MYO15B: variants seen among roughly 807,000 people sequenced by gnomAD.
MYO15B encodes the protein myosin XVB.
Under a neutral mutation model 119.3 loss-of-function variants are expected in MYO15B, and 207 were observed. That is an observed-to-expected ratio of 1.73 (90% CI 1.55 to 1.95). The LOEUF (loss-of-function observed/expected upper bound fraction) is 1.95, where lower values mean the gene tolerates loss of function less well. Among genes scored for constraint, MYO15B ranks in the 30% most tolerant of loss-of-function variants. The pLI is 0.00. For synonymous variants in MYO15B, 966 were observed against 498.9 expected, an observed-to-expected ratio of 1.94 and a Z score of -12.48; for missense variants, 2,264 against 1,203.1, an observed-to-expected ratio of 1.88 and a Z score of -13.04.
At chr17:75,595,134 G>A (rs1317976198) in intron 12 of MYO15B, 162 bp downstream of exon 12, 9 of 612,808 alleles carry the variant, frequency 1.5e-5, no homozygotes, top group South Asian at 1.4e-4. Context: ...GGCTGAGCCT[G>A]CTGGGGTGGG....
intron 51 of MYO15B, 33 bp downstream of exon 51, chr17:75,621,441 A>G: frequency 1.4e-6 from 1 of 698,772 alleles, no homozygotes; most frequent in Non-Finnish European, 2.6e-6. Flanking sequence ...TCTGGCCCGT[A>G]GATCTGCCCT....
chr17:75,606,892 C>T, intron 21 of MYO15B: 1 of 398,452 alleles, frequency 2.5e-6, no homozygotes, highest in Admixed American at 4.4e-5. Context: ...TAACACCACC[C>T]TCCCACTTCT....
chr17:75,591,290 T>G (rs759313140), intron 4 of MYO15B, 44 bp downstream of exon 4: 1 of 700,412 alleles, frequency 1.4e-6, no homozygotes, highest in South Asian at 1.5e-5. Flanking sequence ...TGGGCCACAC[T>G]GAGGGTTGAT....
At chr17:75,622,169 C>T in intron 53 of MYO15B, 89 bp downstream of exon 53, 1 of 681,618 alleles carries the variant, frequency 1.5e-6, no homozygotes, top group African/African-American at 1.8e-5. Context: ...CACTGTCCTT[C>T]AAATCATTCC....
intron 9 of MYO15B, 196 bp downstream of exon 9, chr17:75,593,036 G>T: frequency 1.8e-6 from 1 of 542,380 alleles, no homozygotes; most frequent in Non-Finnish European, 3.3e-6. Flanking sequence ...GTGCCTCTAA[G>T]CTGCCACCCC....
chr17:75,615,884 G>C, exon 36 of MYO15B: 2 of 673,850 alleles, frequency 3.0e-6, no homozygotes, highest in East Asian at 2.7e-5. Flanking sequence ...GCTGCCTGAG[G>C]GTGAGGAGGT....
intron 45 of MYO15B, 51 bp downstream of exon 45, chr17:75,619,527 C>T: frequency 1.4e-6 from 1 of 692,374 alleles, no homozygotes; most frequent in South Asian, 1.5e-5. Flanking sequence ...CAGCCTGGAT[C>T]CTGGGGTGCA....
chr17:75,623,400 G>A lies in MYO15B; in HGVS notation c.8083-381G>A, dbSNP rs564238866. 2.9e-4 allele frequency among the ~76,000 whole-genome samples: 44 copies of A among 151,976 alleles called. 1 individual carries two copies. In the South Asian group the frequency reaches 6.2e-3, roughly 22 times the overall value. On this transcript the variant is annotated intron_variant, in intron 53 of 63. Coordinates refer to ENST00000645453, the Ensembl canonical transcript of MYO15B. ...TCCCAGCACTTTGGGAGGCCAAGGC[G>A]GGTGGATCACCTGAGGTCAGGAGTT...
At chr17:75,588,114 C>T (rs2056180195) in exon 1 of MYO15B, 1 of 398,302 alleles carries the variant, frequency 2.5e-6, no homozygotes, top group Admixed American at 4.4e-5. Flanking sequence ...GGAGGCCGGC[C>T]TCAGGGGAGC....
chr17:75,618,997 C>T, intron 43 of MYO15B, 146 bp from the exon 44 acceptor site: 1 of 627,376 alleles, frequency 1.6e-6, no homozygotes, highest in Admixed American at 2.5e-5. Context: ...CCTGCCCCAC[C>T]TAGGCCCTCT....
At chr17:75,617,286 C>G in exon 41 of MYO15B, 1 of 650,672 alleles carries the variant, frequency 1.5e-6, no homozygotes, top group Non-Finnish European at 2.8e-6. Flanking sequence ...CCCAGGGACC[C>G]TTTCAGCAGA....
chr17:75,605,753 G>A (rs893284969), intron 20 of MYO15B, 111 bp from the exon 21 acceptor site: 3 of 652,668 alleles, frequency 4.6e-6, no homozygotes, highest in East Asian at 2.7e-5. Context: ...CTGGACGGCA[G>A]GGCCAGAAGA....
Position 75,614,172 on chromosome 17 carries a change from C to T in MYO15B, c.5220-27C>T, listed in dbSNP as rs1436177561. On this transcript the variant is annotated intron_variant, in intron 29 of 63. Coordinates refer to ENST00000645453, the Ensembl canonical transcript of MYO15B. Reference sequence around the variant, plus strand: ...TGCCCCCTTCTGGATGGCCGCCTGCCTCACTGACTGGTCCCCTCCCACCCA... The same window carrying T: ...TGCCCCCTTCTGGATGGCCGCCTGCTTCACTGACTGGTCCCCTCCCACCCA... 5.7e-6 allele frequency: 4 copies of T among 699,674 alleles called. No homozygotes were observed. The South Asian group carries it at 5.9e-5, about 10-fold the overall frequency. 43.3% of individuals were successfully genotyped at this position (699,674 alleles called of 1,614,324 possible). A position where few individuals can be genotyped will look rare whatever the true frequency, so the allele number is the denominator to read the frequency against.
Position 75,619,142 on chromosome 17 carries a change from G to C in MYO15B, c.6988-1G>C, listed in dbSNP as rs1431214629. On this transcript the variant is annotated splice_acceptor_variant, in intron 43 of 63. Transcript: ENST00000645453. LOFTEE classifies it high-confidence loss of function. The stretch of plus-strand genomic sequence containing the variant: ...TGGTGACCACCTCGCTCTGCCCCCA[G>C]ATCCTACGGGACACCTTCTCCGAGT... 4.3e-6 allele frequency: 3 copies of C among 702,790 alleles called. No individual in the cohort carries two copies. The highest frequency in any genetic ancestry group is 7.8e-6 in the Non-Finnish European group (3 of 385,026). The allele number at this position is 702,790 out of a possible 1,614,324, so 43.5% of individuals were successfully genotyped here.
At chr17:75,603,008 A>AGT in intron 17 of MYO15B, 24 bp from the exon 18 acceptor site, 1 of 703,056 alleles carries the variant, frequency 1.4e-6, no homozygotes, top group East Asian at 2.7e-5. Context: ...TCTGTGCCCG[A>AGT]GTGACCCCTC....
Position 75,626,237 on chromosome 17 carries a change from C to G in MYO15B, c.9213+9C>G, listed in dbSNP as rs2059051185. 2 of 702,730 alleles carry G rather than the reference C, an allele frequency of 2.8e-6. No individual in the cohort carries two copies. The highest frequency in any genetic ancestry group is 5.2e-6 in the Non-Finnish European group (2 of 384,874). The allele number at this position is 702,730 out of a possible 1,614,324, so 43.5% of individuals were successfully genotyped here. On this transcript the variant is annotated intron_variant, in intron 63 of 63. Coordinates refer to ENST00000645453, the Ensembl canonical transcript of MYO15B. ...GGTTTGAGCTGCCACAGGTGAGTGG[C>G]CAGGCCTCTGGCCACCTTGCGAAGG...
chr17:75,625,652 G>C, exon 61 of MYO15B: 1 of 703,030 alleles, frequency 1.4e-6, no homozygotes. Flanking sequence ...GCACAGATCA[G>C]CTTCATTGGT....
chr17:75,588,109 C>T (rs1201371698), exon 1 of MYO15B: 2 of 398,190 alleles, frequency 5.0e-6, no homozygotes, highest in Non-Finnish European at 8.9e-6. Context: ...GCCCGGGAGG[C>T]CGGCCTCAGG....
exon 45 of MYO15B, chr17:75,619,454 T>C: frequency 1.4e-6 from 1 of 702,142 alleles, no homozygotes; most frequent in Non-Finnish European, 2.6e-6. Flanking sequence ...GCCAATTACT[T>C]CTCCCGCTTC....
Sources: allele counts gnomAD v4.1 joint callset (sites outside exome capture counted in the v4.1 genomes callset), GRCh38; gene constraint gnomAD v4.1.1; transcripts MANE v1.5; gene names NCBI Gene and HGNC (gene_info 2026-07-23, HGNC 2026-07-21).